PPP2R5A: variants seen among roughly 807,000 people sequenced by gnomAD.
PPP2R5A encodes the protein protein phosphatase 2 regulatory subunit B'alpha.
In PPP2R5A, 25 loss-of-function variants were observed where a neutral mutation model predicts 64.2. The observed-to-expected ratio is 0.39, with a 90% CI of 0.28 to 0.54. The LOEUF (loss-of-function observed/expected upper bound fraction) is 0.54, where lower values mean the gene tolerates loss of function less well. Among genes scored for constraint, PPP2R5A ranks in the 20% least tolerant of loss-of-function variants. The pLI is 0.67. For missense variants in PPP2R5A, 425 were observed against 576.3 expected, an observed-to-expected ratio of 0.74 and a Z score of 2.69; for synonymous variants, 198 against 201.2, an observed-to-expected ratio of 0.98 and a Z score of 0.13.
chr1:212,307,767 C>T (rs1186921869), intron 1 of PPP2R5A, among the ~76,000 whole-genome samples: 1 of 152,106 alleles, frequency 6.6e-6, no homozygotes, highest in East Asian at 1.9e-4. Flanking sequence ...TTTAGTGTTT[C>T]TATAAGGTAG....
chr1:212,297,809 G>GTTTTTTTTTTTCT (rs1658726192), intron 1 of PPP2R5A: 1 of 40,430 alleles, frequency 2.5e-5, no homozygotes, highest in Non-Finnish European at 4.5e-5. Flanking sequence ...GAAGTGAATT[G>GTTTTTTTTTTTCT]TTTTTTTTTT....
At chr1:212,288,010 T>A (rs1658534671) in intron 1 of PPP2R5A, among the ~76,000 whole-genome samples, 1 of 152,016 alleles carries the variant, frequency 6.6e-6, no homozygotes. Flanking sequence ...CTTTGATAGG[T>A]TTTGCTTTTA....
chr1:212,356,549 A>T, intron 8 of PPP2R5A, 77 bp from the exon 9 acceptor site: 1 of 1,357,866 alleles, frequency 7.4e-7, no homozygotes, highest in South Asian at 1.3e-5. Context: ...GTGTTGATAT[A>T]ATCACAGCTA....
At chr1:212,286,441 C>T (rs1217524536) in intron 1 of PPP2R5A, 150 bp downstream of exon 1, 4 of 826,186 alleles carry the variant, frequency 4.8e-6, no homozygotes, top group African/African-American at 3.6e-5. Flanking sequence ...TTGGCGTCAC[C>T]TCACGCCCTC....
intron 3 of PPP2R5A, among the ~76,000 whole-genome samples, chr1:212,340,500 C>G (rs1659668566): frequency 1.3e-5 from 2 of 152,210 alleles, no homozygotes; most frequent in Non-Finnish European, 2.9e-5. Flanking sequence ...GTCCATGAGA[C>G]TGTGCTGACT....
chr1:212,347,793 C>G (rs111766313), intron 6 of PPP2R5A, among the ~76,000 whole-genome samples: 97 of 152,196 alleles, frequency 6.4e-4, no homozygotes, highest in African/African-American at 2.2e-3. Flanking sequence ...CAATCCACCC[C>G]CTTCGGCCTC....
At chr1:212,348,989 A>AG (rs1214507009) in intron 7 of PPP2R5A, among the ~76,000 whole-genome samples, 200 bp from the exon 8 acceptor site, 1 of 152,192 alleles carries the variant, frequency 6.6e-6, no homozygotes, top group Non-Finnish European at 1.5e-5. Flanking sequence ...GTTACTTTCA[A>AG]GGCTAAAAAG....
Position 212,336,288 on chromosome 1 carries a change from G to GT in PPP2R5A, c.480+2691dup, listed in dbSNP as rs1159089220. ...TTGCCACCATGCCCAGCTAATTGTTGTATTTTTAGTAGAGATGGGGTTTCA... is the reference window on the plus strand; with the variant it reads ...TTGCCACCATGCCCAGCTAATTGTTGTTATTTTTAGTAGAGATGGGGTTTCA... On this transcript the variant is annotated intron_variant, in intron 3 of 12. Transcript: ENST00000261461. Among the ~76,000 whole-genome samples the GT allele has an allele frequency of 6.6e-5, 10 of 151,910 alleles. 1 individual carries two copies. In the South Asian group the frequency reaches 1.9e-3, roughly 28 times the overall value.
At chr1:212,321,117 T>C (rs1659277482) in intron 1 of PPP2R5A, among the ~76,000 whole-genome samples, 2 of 126,016 alleles carry the variant, frequency 1.6e-5, no homozygotes, top group Non-Finnish European at 3.3e-5. Flanking sequence ...GCAGAGGGGC[T>C]CCTCTCTTCC....
chr1:212,308,410 C>CTTT (rs35324374), intron 1 of PPP2R5A, among the ~76,000 whole-genome samples: 13 of 128,474 alleles, frequency 1.0e-4, no homozygotes, highest in African/African-American at 2.9e-4. Context: ...TGTTGGTACA[C>CTTT]TTTTTTTTTT....
At chr1:212,294,535 A>G (rs1658658366) in intron 1 of PPP2R5A, among the ~76,000 whole-genome samples, 1 of 147,472 alleles carries the variant, frequency 6.8e-6, no homozygotes, top group Admixed American at 6.6e-5. Flanking sequence ...GTTTGCTGTG[A>G]AATTAGACAC....
intron 1 of PPP2R5A, among the ~76,000 whole-genome samples, chr1:212,320,906 C>T (rs1659269004): frequency 7.8e-6 from 1 of 127,906 alleles, no homozygotes; most frequent in Non-Finnish European, 1.7e-5. Context: ...GCGCCCCTCA[C>T]CTCCCGGACG....
intron 1 of PPP2R5A, among the ~76,000 whole-genome samples, chr1:212,296,055 G>A (rs1163248727): frequency 6.6e-6 from 1 of 152,096 alleles, no homozygotes; most frequent in Non-Finnish European, 1.5e-5. Flanking sequence ...AGCCCAAGAT[G>A]GAGAGAAGAA....
In PPP2R5A at chr1:212,333,616, G is replaced by T. The variant is rs753369680; in HGVS notation, c.480+18G>T. On this transcript the variant is annotated intron_variant, in intron 3 of 12. Coordinates refer to ENST00000261461, the MANE Select transcript of PPP2R5A (RefSeq NM_006243.4). ...ACATACAGGTATGGAACATAATTAC[G>T]TATTGGCAGTTTTTATATTTATGCT... 22 of 1,364,424 alleles carry T rather than the reference G, an allele frequency of 1.6e-5. No homozygotes were observed. Among genetic ancestry groups the T allele is most frequent in the Middle Eastern group, 1.8e-4 (1 of 5,416 alleles). The allele number at this position is 1,364,424 out of a possible 1,614,324, so 84.5% of individuals were successfully genotyped here.
rs1019729891 is a variant in PPP2R5A at position 212,318,272 on chromosome 1, A to G, written c.182-10863A>G. Among the ~76,000 whole-genome samples, 4 of 150,164 alleles carry G rather than the reference A, an allele frequency of 2.7e-5. No individual in the cohort carries two copies. In the Admixed American group the frequency reaches 2.7e-4, roughly 10 times the overall value. ...TCAAATTTAAATTAATTATGTATTT[A>G]GCAAAGCAAGGCATATCTGTTTTTT... On this transcript the variant is annotated intron_variant, in intron 1 of 12. Coordinates refer to ENST00000261461, the MANE Select transcript of PPP2R5A (RefSeq NM_006243.4).
chr1:212,346,026 G>C, intron 5 of PPP2R5A, 93 bp downstream of exon 5: 2 of 1,262,656 alleles, frequency 1.6e-6, no homozygotes, highest in South Asian at 1.5e-5. Context: ...TTTTGAGACA[G>C]GGTCTCACTC....
chr1:212,304,925 G>C lies in PPP2R5A; in HGVS notation c.181+18634G>C, dbSNP rs184934727. ...TTTTTGTATTGTTAGTAGAGATGGG[G>C]TTTCACCATGTTGGCCAGGATGGTC... On this transcript the variant is annotated intron_variant, in intron 1 of 12. Transcript: ENST00000261461. Among the ~76,000 whole-genome samples, 10 of 151,606 alleles carry C rather than the reference G, an allele frequency of 6.6e-5. 1 individual carries two copies. The highest frequency in any genetic ancestry group is 2.2e-4 in the African/African-American group (9 of 41,322).
intron 8 of PPP2R5A, among the ~76,000 whole-genome samples, chr1:212,350,976 TAAAAAAAA>T (rs61297300): frequency 2.1e-5 from 3 of 141,718 alleles, no homozygotes; most frequent in South Asian, 4.5e-4. Context: ...CATTTCTACT[TAAAAAAAA>T]AAAAAAAAAA....
chr1:212,329,211 C>T lies in PPP2R5A; in HGVS notation c.258C>T (p.Asp86=), dbSNP rs1437581904. ...GTTGTATACTGTTTGATTTCATGGACTCTGTTTCAGACTTGAAGAGCAAAG... is the reference window on the plus strand; with the variant it reads ...GTTGTATACTGTTTGATTTCATGGATTCTGTTTCAGACTTGAAGAGCAAAG... ...QQCCILFDFM[D]SVSDLKSKEI... The change falls in exon 2 of 13, where the codon GAC becomes GAT. Residue 86 remains aspartate (D), a synonymous_variant. Coordinates refer to ENST00000261461, the MANE Select transcript of PPP2R5A (RefSeq NM_006243.4). The T allele has an allele frequency of 6.2e-6, 10 of 1,613,200 alleles. No individual in the cohort carries two copies. Among genetic ancestry groups the T allele is most frequent in the South Asian group, 3.3e-5 (3 of 90,926 alleles).
Sources: gnomAD v4.1 joint callset for allele counts (sites outside exome capture counted in the v4.1 genomes callset) on GRCh38, gnomAD v4.1.1 for gene constraint, MANE v1.5 for transcripts, NCBI Gene and HGNC (gene_info 2026-07-23, HGNC 2026-07-21) for gene names.